The following GDAP1L1 variants were observed in gnomAD, a reference collection of about 807,000 sequenced individuals.
GDAP1L1 encodes ganglioside induced differentiation associated protein 1 like 1.
GDAP1L1 carries 21 observed loss-of-function variants against 37.1 expected under a neutral mutation model. The ratio of observed to expected loss-of-function variants is 0.57; its 90% CI spans 0.40 to 0.81. The LOEUF (loss-of-function observed/expected upper bound fraction) is 0.81, where lower values mean the gene tolerates loss of function less well. Ranked by LOEUF, GDAP1L1 falls within the 40% of genes least tolerant of loss-of-function variation. The pLI, the probability that GDAP1L1 is intolerant of heterozygous loss-of-function variation, is 0.00. For missense variants in GDAP1L1, 362 were observed against 491.6 expected (o/e 0.74, Z 2.49); for synonymous variants, 193 against 209.1 (o/e 0.92, Z 0.67).
rs761361698 is a variant in GDAP1L1, at chr20:44,258,565, A to G, written c.505A>G (p.Thr169Ala). Residue 169 changes from threonine to alanine, a missense_variant, in exon 3 of 6, where the codon ACC becomes GCC. Transcript: ENST00000342560. ...HGCILHPELTTDSMIPKYATA... is the reference protein window; with the variant it reads ...HGCILHPELTADSMIPKYATA... ...CTGCATCCTGCATCCCGAGCTCACC[A>G]CCGACTCCATGATCCCCAAGTACGC... The G allele has an allele frequency of 2.3e-5, 36 of 1,599,358 alleles. No individual in the cohort carries two copies. Among genetic ancestry groups the G allele is most frequent in the African/African-American group, 1.6e-4 (12 of 74,506 alleles).
rs1197791121 is a variant in GDAP1L1 at position 44,247,435 on chromosome 20, C to T, written c.101C>T (p.Pro34Leu). The T allele has an allele frequency of 1.9e-6, 3 of 1,608,848 alleles. No homozygotes were observed. Among genetic ancestry groups the T allele is most frequent in the Non-Finnish European group, 2.5e-6 (3 of 1,178,250 alleles). ...AAGCCAGCGGAGGCCCCCGACGCTC[C>T]CGAGGCGGCCAGCCCCGCCCATTGG... ...AAKPAEAPDA[P>L]EAASPAHWPR... Residue 34 changes from proline (P) to leucine (L), a missense_variant, in exon 1 of 6, where the codon CCC becomes CTC. Pro to Leu is a moderately conservative substitution (Grantham distance 98). Transcript: ENST00000342560.
intron 5 of GDAP1L1, among the ~76,000 whole-genome samples, chr20:44,278,469 C>T (rs1292340052): frequency 6.6e-6 from 1 of 152,184 alleles, no homozygotes; most frequent in African/African-American, 2.4e-5. Flanking sequence ...CAGCCTCCAT[C>T]TCCCAGGTTG....
Position 44,279,483 on chromosome 20 carries a change from G to C in GDAP1L1, c.*183G>C. On this transcript the variant is annotated 3_prime_UTR_variant, in exon 6 of 6. Coordinates refer to ENST00000342560, the MANE Select transcript of GDAP1L1 (RefSeq NM_024034.6). ...TAGAAGTAGACGTTGCCAATGCTGT[G>C]ACTCAAGGCCACGGCTCTACTAAAA... 1 of 711,176 alleles carries C rather than the reference G, an allele frequency of 1.4e-6. No individual in the cohort carries two copies. Among genetic ancestry groups the C allele is most frequent in the Non-Finnish European group, 2.6e-6 (1 of 382,954 alleles). 44.1% of individuals were successfully genotyped at this position (711,176 alleles called of 1,614,324 possible).
Position 44,257,153 on chromosome 20 carries a change from G to A in GDAP1L1, c.181G>A (p.Val61Met). ...CCCGCTCTGACCCTGGCGCCTGCAGGTGCGGCTGGTGATCGCCGAGAAGGG... is the reference window on the plus strand; with the variant it reads ...CCCGCTCTGACCCTGGCGCCTGCAGATGCGGCTGGTGATCGCCGAGAAGGG... ...HWTQSFSSQK[V>M]RLVIAEKGLV... Residue 61 changes from valine to methionine, a missense_variant and splice_region_variant, in exon 2 of 6, where the codon GTG (valine) becomes ATG (methionine). Val to Met is a conservative substitution (Grantham distance 21). Around this residue, in one of 2 missense-constraint regions of GDAP1L1, gnomAD observed 277 missense variants for 337.1 expected, o/e 0.82. Coordinates refer to ENST00000342560, the MANE Select transcript of GDAP1L1 (RefSeq NM_024034.6). 6.3e-7 allele frequency: 1 copy of A among 1,584,974 alleles called. No individual in the cohort carries two copies. Among genetic ancestry groups the A allele is most frequent in the Non-Finnish European group, 8.6e-7 (1 of 1,167,982 alleles).
intron 5 of GDAP1L1, among the ~76,000 whole-genome samples, chr20:44,275,782 G>A (rs2062566438): frequency 6.6e-6 from 1 of 152,140 alleles, no homozygotes; most frequent in African/African-American, 2.4e-5. Context: ...AGAATTTCAG[G>A]TCAAAACAAC....
At position 44,279,354 on chromosome 20, in the gene GDAP1L1, C is replaced by G; in HGVS notation, c.*54C>G. 8.6e-7 allele frequency: 1 copy of G among 1,161,368 alleles called. No individual in the cohort carries two copies. Among genetic ancestry groups the G allele is most frequent in the Non-Finnish European group, 1.3e-6 (1 of 784,826 alleles). The allele number at this position is 1,161,368 out of a possible 1,614,324, so 71.9% of individuals were successfully genotyped here. On this transcript the variant is annotated 3_prime_UTR_variant, in exon 6 of 6. Transcript: ENST00000342560. ...GTCGGTGTCTCTGTGCTGTGTGATT[C>G]CCCGTGAGCTCTCAGTAACTCACTG...
intron 4 of GDAP1L1, among the ~76,000 whole-genome samples, chr20:44,263,610 A>G (rs4810416): frequency 0.31 from 47,444 of 152,026 alleles, 8,292 homozygotes; most frequent in East Asian, 0.5. Context: ...TTGGGAGGCC[A>G]AGGCAAGTGG....
chr20:44,256,912 C>T (rs2073558877), intron 1 of GDAP1L1, among the ~76,000 whole-genome samples: 1 of 152,174 alleles, frequency 6.6e-6, no homozygotes, highest in Non-Finnish European at 1.5e-5. Flanking sequence ...CAAATCCAGC[C>T]CCTTAGCCAC....
chr20:44,266,516 T>C (rs1230149376), intron 5 of GDAP1L1, among the ~76,000 whole-genome samples: 1 of 151,994 alleles, frequency 6.6e-6, no homozygotes, highest in Non-Finnish European at 1.5e-5. Context: ...TGCATTAGTT[T>C]CTTAGGACTT....
chr20:44,278,093 G>A (rs187630303), intron 5 of GDAP1L1, among the ~76,000 whole-genome samples: 58 of 149,608 alleles, frequency 3.9e-4, no homozygotes, highest in Non-Finnish European at 1.3e-4. Flanking sequence ...GGTAGAAGTT[G>A]CAGTGAGCTT....
rs376912517 is a variant in GDAP1L1, at chr20:44,279,311, G to C, written c.*11G>C. 3.9e-6 allele frequency: 6 copies of C among 1,542,266 alleles called. No homozygotes were observed. The African/African-American group carries it at 8.2e-5, about 21-fold the overall frequency. ...AAAAAATACATCTAGGGCCAGGCCTGGGGCTTGGTGTCTGACTGTCGGTGT... is the reference window on the plus strand; with the variant it reads ...AAAAAATACATCTAGGGCCAGGCCTCGGGCTTGGTGTCTGACTGTCGGTGT... On this transcript the variant is annotated 3_prime_UTR_variant, in exon 6 of 6. Coordinates refer to ENST00000342560, the MANE Select transcript of GDAP1L1 (RefSeq NM_024034.6).
At chr20:44,267,802 G>C (rs919330258) in intron 5 of GDAP1L1, among the ~76,000 whole-genome samples, 3 of 152,176 alleles carry the variant, frequency 2.0e-5, no homozygotes, top group Non-Finnish European at 4.4e-5. Flanking sequence ...AGGGTGGATG[G>C]TTCTGGAGAA....
chr20:44,263,922 GGTATTGAAGGATTGCTCT>G (rs2073717802), intron 4 of GDAP1L1, among the ~76,000 whole-genome samples: 2 of 152,072 alleles, frequency 1.3e-5, no homozygotes, highest in African/African-American at 2.4e-5. Context: ...TGGGAAAGGA[GGTATTGAAGGATTGCTCT>G]GAGGGGGACC....
intron 3 of GDAP1L1, among the ~76,000 whole-genome samples, chr20:44,259,388 C>T (rs2146010866): frequency 6.6e-6 from 1 of 152,288 alleles, no homozygotes; most frequent in Non-Finnish European, 1.5e-5. Context: ...TGTCGTCCCC[C>T]TCAAAGGAAT....
At chr20:44,277,912 G>T (rs1345841677) in intron 5 of GDAP1L1, among the ~76,000 whole-genome samples, 1 of 152,118 alleles carries the variant, frequency 6.6e-6, no homozygotes, top group African/African-American at 2.4e-5. Flanking sequence ...CCAGCACTTT[G>T]GGAGACCGAG....
chr20:44,260,621 T>C (rs1317096763), intron 3 of GDAP1L1, among the ~76,000 whole-genome samples: 2 of 152,128 alleles, frequency 1.3e-5, no homozygotes, highest in African/African-American at 2.4e-5. Context: ...CACCCCAGCC[T>C]CCGGGGCCAC....
intron 1 of GDAP1L1, among the ~76,000 whole-genome samples, chr20:44,253,802 C>T (rs2073489052): frequency 6.6e-6 from 1 of 152,238 alleles, no homozygotes; most frequent in Non-Finnish European, 1.5e-5. Context: ...TGAAAGTCTC[C>T]TTGGCCGCCT....
chr20:44,257,038 C>CGTGTCCCCTCCTGTGT, intron 1 of GDAP1L1, 115 bp from the exon 2 acceptor site: 1 of 1,094,356 alleles, frequency 9.1e-7, no homozygotes, highest in Non-Finnish European at 1.3e-6. Context: ...TGAAAGCAAT[C>CGTGTCCCCTCCTGTGT]GTGTCCCCTC....
chr20:44,255,631 C>T (rs951616288), intron 1 of GDAP1L1, among the ~76,000 whole-genome samples: 2 of 137,752 alleles, frequency 1.5e-5, no homozygotes, highest in Non-Finnish European at 3.1e-5. Flanking sequence ...GGATTTGAAA[C>T]AACACCGTTC....
Sources: allele counts gnomAD v4.1 joint callset (sites outside exome capture counted in the v4.1 genomes callset), GRCh38; gene constraint gnomAD v4.1.1; regional missense constraint gnomAD v4.1.1; transcripts MANE v1.5; gene names NCBI Gene and HGNC (gene_info 2026-07-23, HGNC 2026-07-21).